The following TPR variants were observed in gnomAD, a reference collection of about 807,000 sequenced individuals.
TPR encodes nucleoprotein TPR.
TPR carries 51 observed loss-of-function variants against 316.1 expected under a neutral mutation model. The observed-to-expected ratio is 0.16, with a 90% CI of 0.13 to 0.20. TPR has a LOEUF of 0.20. TPR is among the 10% of genes least tolerant of loss of function. TPR has a pLI of 1.00. For missense variants in TPR, 2,272 were observed against 2,754.8 expected (o/e 0.82, Z 3.92); for synonymous variants, 981 against 914.7 (o/e 1.07, Z -1.31).
rs766315036 is a variant in TPR at position 186,345,597 on chromosome 1, G to T, written c.3196C>A (p.Arg1066Ser). ...TALSNEQQAR[R>S]DCQEQAKIAV... ...ATACTTACTTGTTCCTGACAGTCAC[G>T]TCTGGCTTGCTGCTCATTACTTAAA... is the stretch of plus-strand genomic sequence containing the variant. Residue 1066 changes from arginine to serine, a missense_variant, in exon 24 of 51, where the codon CGT becomes AGT. Arg to Ser is a moderately radical substitution (Grantham distance 110). This residue lies in a region of TPR where 757 missense variants were observed against 859.8 expected (regional missense o/e 0.88). Transcript: ENST00000367478. 8.7e-6 allele frequency: 14 copies of T among 1,613,060 alleles called. No homozygotes were observed. The Admixed American group carries it at 2.3e-4, about 27-fold the overall frequency.
chr1:186,334,448 C>A lies in TPR; in HGVS notation c.5059G>T (p.Ala1687Ser), dbSNP rs2102066563. 1.2e-6 allele frequency: 2 copies of A among 1,613,658 alleles called. No homozygotes were observed. The highest frequency in any genetic ancestry group is 1.7e-6 in the Non-Finnish European group (2 of 1,179,722). ...GCCCTGGGTGTTGACTTATTTCCAG[C>A]CATAGCTGCAGCTGTCACTTTACTT... Reference protein sequence around the residue: ...TPSKVTAAAMAGNKSTPRASI... With the variant: ...TPSKVTAAAMSGNKSTPRASI... Residue 1687 changes from alanine (A) to serine (S), a missense_variant, in exon 36 of 51, where the codon GCT (alanine) becomes TCT (serine). Physicochemically the swap from Ala to Ser is moderately conservative, Grantham distance 99. Transcript: ENST00000367478.
chr1:186,330,381 A>C (rs1367884575), intron 39 of TPR, among the ~76,000 whole-genome samples: 1 of 152,128 alleles, frequency 6.6e-6, no homozygotes, highest in Non-Finnish European at 1.5e-5. Flanking sequence ...AACTGCAGAC[A>C]CCTTAAGCTA....
At chr1:186,366,960 T>C (rs1302169917) in intron 4 of TPR, among the ~76,000 whole-genome samples, 2 of 150,680 alleles carry the variant, frequency 1.3e-5, no homozygotes, top group Non-Finnish European at 2.9e-5. Context: ...ACTTAACTAA[T>C]GGAATATTAT....
intron 23 of TPR, 69 bp from the exon 24 acceptor site, chr1:186,345,765 T>C: frequency 1.8e-6 from 2 of 1,102,530 alleles, no homozygotes; most frequent in Non-Finnish European, 2.6e-6. Flanking sequence ...TGTATTGTAG[T>C]GTTACTAAAT....
Position 186,349,670 on chromosome 1 carries a change from A to T in TPR, c.2776+553T>A, listed in dbSNP as rs575891819. 4.4e-3 allele frequency among the ~76,000 whole-genome samples: 666 copies of T among 151,160 alleles called. 4 individuals carry two copies. The highest frequency in any genetic ancestry group is 0.016 in the African/African-American group (639 of 41,200). On this transcript the variant is annotated intron_variant, in intron 21 of 50. Transcript: ENST00000367478. Reference sequence around the variant, plus strand: ...GCGAGACTCTCTCTCAAAAAAAAAAAAAAAAATAAATAAATAAATAAAACC... The same window carrying T: ...GCGAGACTCTCTCTCAAAAAAAAAATAAAAAATAAATAAATAAATAAAACC...
intron 4 of TPR, 73 bp downstream of exon 4, chr1:186,367,813 G>T: frequency 1.9e-6 from 2 of 1,045,696 alleles, no homozygotes; most frequent in Non-Finnish European, 2.8e-6. Flanking sequence ...GAAATGGGCT[G>T]AGCACTAACT....
At chr1:186,319,925 T>C (rs1347034740) in intron 46 of TPR, among the ~76,000 whole-genome samples, 1 of 152,220 alleles carries the variant, frequency 6.6e-6, no homozygotes, top group African/African-American at 2.4e-5. Flanking sequence ...ATACATTTAA[T>C]TAGAAATGTT....
chr1:186,324,059 C>T (rs146962768), intron 42 of TPR, among the ~76,000 whole-genome samples, 189 bp from the exon 43 acceptor site: 10 of 152,044 alleles, frequency 6.6e-5, no homozygotes, highest in East Asian at 3.9e-4. Flanking sequence ...TGTACTTATT[C>T]GCTGTGTGGC....
chr1:186,321,902 A>T (rs1279768292), intron 45 of TPR, among the ~76,000 whole-genome samples: 2 of 152,226 alleles, frequency 1.3e-5, no homozygotes, highest in Non-Finnish European at 2.9e-5. Context: ...AAACATGTTA[A>T]CACAAATTAA....
rs1324686646 is a variant in TPR, at chr1:186,355,552, C to T, written c.2029G>A (p.Glu677Lys). 2.5e-6 allele frequency: 4 copies of T among 1,611,252 alleles called. No homozygotes were observed. The highest frequency in any genetic ancestry group is 1.1e-5 in the South Asian group (1 of 90,112). ...EAKAALKQLQ[E>K]IFENYKKEKA... ...TCTTTTTTGTAGTTCTCAAAAATTT[C>T]CTGCAACTAAATATTGGAGATTATG... The change falls in exon 17 of 51, where the codon GAA becomes AAA. Residue 677 changes from glutamate to lysine, a missense_variant. Physicochemically the swap from Glu to Lys is moderately conservative, Grantham distance 56. Coordinates refer to ENST00000367478, the MANE Select transcript of TPR (RefSeq NM_003292.3).
intron 7 of TPR, 80 bp from the exon 8 acceptor site, chr1:186,361,949 C>A: frequency 7.0e-7 from 1 of 1,424,374 alleles, no homozygotes; most frequent in Non-Finnish European, 9.6e-7. Context: ...TGAAAAATTC[C>A]ATTTTTGTAA....
chr1:186,371,105 T>C, intron 2 of TPR, 62 bp from the exon 3 acceptor site: 2 of 1,233,808 alleles, frequency 1.6e-6, no homozygotes, highest in Non-Finnish European at 1.2e-6. Flanking sequence ...TGAGTGTTTT[T>C]ATGCAACTGC....
At chr1:186,348,260 GC>G (rs558637935) in intron 21 of TPR, among the ~76,000 whole-genome samples, 76 of 152,260 alleles carry the variant, frequency 5.0e-4, no homozygotes, top group South Asian at 1.2e-3. Context: ...TCTATGAACA[GC>G]CGCTCTGGGA....
chr1:186,341,508 G>T (rs1658504652), intron 27 of TPR, 119 bp from the exon 28 acceptor site: 3 of 1,155,572 alleles, frequency 2.6e-6, no homozygotes, highest in Non-Finnish European at 3.5e-6. Flanking sequence ...TCAACTTTTA[G>T]AACTAAAATT....
Position 186,362,858 on chromosome 1 carries a change from A to T in TPR, c.675T>A (p.Asn225Lys). Residue 225 changes from asparagine (N) to lysine (K), a missense_variant, in exon 6 of 51, where the codon AAT (asparagine) becomes AAA (lysine). Physicochemically the swap from Asn to Lys is moderately conservative, Grantham distance 94. Coordinates refer to ENST00000367478, the MANE Select transcript of TPR (RefSeq NM_003292.3). ...KGNEILELKC[N>K]LENKKEEVSR... Reference sequence around the variant, plus strand: ...TTACCTCTTCTTTTTTATTTTCAAGATTACATTTAAGCTCTAGAATCTCAT... The same window carrying T: ...TTACCTCTTCTTTTTTATTTTCAAGTTTACATTTAAGCTCTAGAATCTCAT... The T allele has an allele frequency of 6.3e-7, 1 of 1,587,428 alleles. No homozygotes were observed. The highest frequency in any genetic ancestry group is 8.5e-7 in the Non-Finnish European group (1 of 1,173,046).
chr1:186,317,743 T>C (rs539206066), intron 48 of TPR, 143 bp from the exon 49 acceptor site: 6 of 707,228 alleles, frequency 8.5e-6, no homozygotes, highest in South Asian at 4.0e-5. Flanking sequence ...GGTTACCATA[T>C]ATATTTTTCA....
In TPR at chr1:186,375,135, T is replaced by A. The variant is rs551633519; in HGVS notation, c.-107A>T. 3.3e-5 allele frequency: 51 copies of A among 1,555,700 alleles called. 2 individuals are homozygous for A. In the South Asian group the frequency reaches 5.5e-4, roughly 17 times the overall value. ...CGCCTGGGCCGCCGCCTCTATCACC[T>A]CGCTCGGTGGCTCGCGCGCGCCCGC... On this transcript the variant is annotated 5_prime_UTR_variant, in exon 1 of 51. Transcript: ENST00000367478.
chr1:186,360,929 A>C, intron 9 of TPR, 24 bp from the exon 10 acceptor site: 3 of 1,603,510 alleles, frequency 1.9e-6, no homozygotes, highest in Non-Finnish European at 2.6e-6. Flanking sequence ...TTAAAGACCA[A>C]ATATTCAAAC....
At chr1:186,319,425 CA>C (rs1485904436) in intron 46 of TPR, among the ~76,000 whole-genome samples, 1 of 151,222 alleles carries the variant, frequency 6.6e-6, no homozygotes, top group African/African-American at 2.4e-5. Flanking sequence ...ATGTTAATTA[CA>C]AAGTAATTAA....
Sources: gnomAD v4.1 joint callset for allele counts (sites outside exome capture counted in the v4.1 genomes callset) on GRCh38, gnomAD v4.1.1 for gene constraint, gnomAD v4.1.1 regional missense constraint, MANE v1.5 for transcripts, NCBI Gene and HGNC (gene_info 2026-07-23, HGNC 2026-07-21) for gene names.